EHMT1: variants seen among roughly 807,000 people sequenced by gnomAD.
The protein encoded by EHMT1 is histone-lysine N-methyltransferase EHMT1.
Under a neutral mutation model 147.2 loss-of-function variants are expected in EHMT1, and 15 were observed. The observed-to-expected ratio is 0.10, with a 90% CI of 0.07 to 0.16. The LOEUF is 0.16. Ranked by LOEUF, EHMT1 falls within the 10% of genes least tolerant of loss-of-function variation. The pLI, the probability that EHMT1 is intolerant of heterozygous loss-of-function variation, is 1.00. For synonymous variants in EHMT1, 795 were observed against 709.6 expected (o/e 1.12, Z -1.91); for missense variants, 1,587 against 1,772.4 (o/e 0.90, Z 1.88).
rs540163110 is a variant in EHMT1, at chr9:137,660,742, A to G, written c.21+41693A>G. Among the ~76,000 whole-genome samples, 34 of 152,164 alleles carry G rather than the reference A, an allele frequency of 2.2e-4. No homozygotes were observed. The South Asian group carries it at 3.7e-3, about 17-fold the overall frequency. On this transcript the variant is annotated intron_variant, in intron 1 of 26. Coordinates refer to ENST00000460843, the MANE Select transcript of EHMT1 (RefSeq NM_024757.5). ...AGAAATATTTCTATGAAATTTTACA[A>G]TTTTTCCTGTAGAGGTCTTGCCATC...
intron 25 of EHMT1, among the ~76,000 whole-genome samples, chr9:137,822,895 GAAAAAA>G (rs112878891): frequency 7.8e-6 from 1 of 128,100 alleles, no homozygotes; most frequent in Admixed American, 7.9e-5. Context: ...ACTTCATCTC[GAAAAAA>G]AAAAAAAAGC....
At chr9:137,724,982 GAC>G (rs1946467292) in intron 3 of EHMT1, among the ~76,000 whole-genome samples, 2 of 122,188 alleles carry the variant, frequency 1.6e-5, no homozygotes, top group African/African-American at 1.2e-4. Flanking sequence ...TCGTGTGGCA[GAC>G]GTGTGGCATT....
At chr9:137,768,487 G>C (rs1479388767) in intron 10 of EHMT1, among the ~76,000 whole-genome samples, 1 of 134,434 alleles carries the variant, frequency 7.4e-6, no homozygotes, top group East Asian at 2.3e-4. Context: ...CCAAGTAGTT[G>C]GGATTACAGA....
chr9:137,781,766 C>T (rs1951574798), intron 14 of EHMT1, among the ~76,000 whole-genome samples: 2 of 152,128 alleles, frequency 1.3e-5, no homozygotes, highest in Admixed American at 6.5e-5. Flanking sequence ...AGAAGTGAAA[C>T]TATTTGCTTT....
At chr9:137,646,377 C>G in intron 1 of EHMT1, 1 of 985,510 alleles carries the variant, frequency 1.0e-6, no homozygotes, top group South Asian at 4.7e-5. Flanking sequence ...GTGCTGCGGG[C>G]AAGAATCCTG....
chr9:137,619,241 C>T (rs1014036588), intron 1 of EHMT1, among the ~76,000 whole-genome samples, 192 bp downstream of exon 1: 1 of 141,786 alleles, frequency 7.1e-6, no homozygotes, highest in Non-Finnish European at 1.6e-5. Flanking sequence ...GGCGTCCGGC[C>T]CGCGCTCCCG....
At chr9:137,692,267 C>CTTT (rs11398600) in intron 1 of EHMT1, among the ~76,000 whole-genome samples, 11 of 118,388 alleles carry the variant, frequency 9.3e-5, no homozygotes, top group South Asian at 5.1e-4. Flanking sequence ...TTCTTTCTTT[C>CTTT]TTTTTTTTTT....
intron 3 of EHMT1, among the ~76,000 whole-genome samples, chr9:137,722,221 T>C (rs1273147555): frequency 6.6e-6 from 1 of 152,256 alleles, no homozygotes; most frequent in African/African-American, 2.4e-5. Flanking sequence ...TGAGGATCTT[T>C]TATTGTCATC....
At chr9:137,702,079 C>G (rs1040443636) in intron 1 of EHMT1, among the ~76,000 whole-genome samples, 4 of 152,104 alleles carry the variant, frequency 2.6e-5, no homozygotes, top group Admixed American at 2.6e-4. Context: ...CAGATGTGAG[C>G]CACTGCGCCC....
chr9:137,756,249 T>C (rs984727337), intron 8 of EHMT1, among the ~76,000 whole-genome samples: 3 of 152,248 alleles, frequency 2.0e-5, no homozygotes, highest in Non-Finnish European at 4.4e-5. Context: ...TGGCAGTGGG[T>C]GTGCAGCTGC....
At chr9:137,829,843 T>C (rs1956071545) in intron 25 of EHMT1, among the ~76,000 whole-genome samples, 3 of 152,170 alleles carry the variant, frequency 2.0e-5, no homozygotes, top group African/African-American at 7.2e-5. Flanking sequence ...CTGTGTCCCA[T>C]AGGGAGCTTT....
At chr9:137,675,765 A>C in intron 1 of EHMT1, among the ~76,000 whole-genome samples, 2 of 130,888 alleles carry the variant, frequency 1.5e-5, no homozygotes, top group African/African-American at 2.9e-5. Context: ...GCGTGCACCA[A>C]CCACGCCCGG....
chr9:137,700,710 T>C (rs1031471790), intron 1 of EHMT1, among the ~76,000 whole-genome samples: 2 of 152,272 alleles, frequency 1.3e-5, no homozygotes, highest in East Asian at 1.9e-4. Context: ...ACTGTTCTAA[T>C]TGAGGTTTTA....
At position 137,782,933 on chromosome 9, in the gene EHMT1, G is replaced by C. The variant is rs1951680705; in HGVS notation, c.2382+536G>C. Among the ~76,000 whole-genome samples, 2 of 152,206 alleles carry C rather than the reference G, an allele frequency of 1.3e-5. No individual in the cohort carries two copies. The highest frequency in any genetic ancestry group is 1.5e-5 in the Non-Finnish European group (1 of 68,042). ...TCTCTGGGTTCAGACACACGACGCTGTTTGTCCCCCTGTGACGCCCCTTCC... is the reference window on the plus strand; with the variant it reads ...TCTCTGGGTTCAGACACACGACGCTCTTTGTCCCCCTGTGACGCCCCTTCC... On this transcript the variant is annotated intron_variant, in intron 15 of 26. Transcript: ENST00000460843. The surrounding 1 kb of genome is among the most constrained non-coding windows in gnomAD (Gnocchi z 5.7).
intron 1 of EHMT1, among the ~76,000 whole-genome samples, chr9:137,696,484 A>G (rs1333413249): frequency 6.6e-6 from 1 of 152,224 alleles, no homozygotes; most frequent in Non-Finnish European, 1.5e-5. Context: ...GAATAAAGAA[A>G]AATCTCCACT....
chr9:137,823,141 C>T (rs1179705974), intron 25 of EHMT1, among the ~76,000 whole-genome samples: 2 of 150,154 alleles, frequency 1.3e-5, no homozygotes, highest in East Asian at 2.0e-4. Context: ...CTCTGTCGCC[C>T]AGGCTGGAGT....
intron 1 of EHMT1, among the ~76,000 whole-genome samples, chr9:137,694,603 G>A (rs889710990): frequency 6.6e-6 from 1 of 152,250 alleles, no homozygotes; most frequent in African/African-American, 2.4e-5. Context: ...ACTCAGGGAA[G>A]GAGTAGATGT....
In EHMT1 at chr9:137,787,955, T is replaced by TC. The variant is rs1258154045; in HGVS notation, c.2383-2888dup. On this transcript the variant is annotated intron_variant, in intron 15 of 26. Transcript: ENST00000460843. The surrounding 1 kb of genome is among the most constrained non-coding windows in gnomAD (Gnocchi z 4.2). The stretch of plus-strand genomic sequence containing the variant: ...GCTGCCCCCAGAGGGAGGCCCTGTG[T>TC]CCCCCACTGGACAGCCCCCCAGGAA... The TC allele has an allele frequency of 2.7e-6, 4 of 1,500,228 alleles. No individual in the cohort carries two copies. Among genetic ancestry groups the TC allele is most frequent in the Admixed American group, 1.7e-5 (1 of 59,218 alleles). 92.9% of individuals were successfully genotyped at this position (1,500,228 alleles called of 1,614,324 possible).
chr9:137,684,381 TGTGATAAATGAGA>T (rs1212734730), intron 1 of EHMT1, among the ~76,000 whole-genome samples: 6 of 152,140 alleles, frequency 3.9e-5, no homozygotes, highest in African/African-American at 1.4e-4. Flanking sequence ...AAGTTGCAAG[TGTGATAAATGAGA>T]TGTTTTTCTT....
Sources: allele counts gnomAD v4.1 joint callset (sites outside exome capture counted in the v4.1 genomes callset), GRCh38; gene constraint gnomAD v4.1.1; non-coding constraint Gnocchi (gnomAD v3.1); transcripts MANE v1.5; gene names NCBI Gene and HGNC (gene_info 2026-07-23, HGNC 2026-07-21).